Variants in PIEZO2 observed in about 807,000 individuals in gnomAD.
PIEZO2 encodes the protein piezo-type mechanosensitive ion channel component 2.
Under a neutral mutation model 337.3 loss-of-function variants are expected in PIEZO2, and 172 were observed. The observed-to-expected ratio is 0.51, with a 90% CI of 0.45 to 0.58. The LOEUF (loss-of-function observed/expected upper bound fraction) is 0.58. PIEZO2 is among the 20% of genes least tolerant of loss of function. PIEZO2 has a pLI of 0.00. For synonymous variants in PIEZO2, 1,251 were observed against 1,228.5 expected, an observed-to-expected ratio of 1.02 and a Z score of -0.38; for missense variants, 3,028 against 3,391.3, an observed-to-expected ratio of 0.89 and a Z score of 2.66.
intron 4 of PIEZO2, among the ~76,000 whole-genome samples, chr18:10,910,668 T>G (rs904662424): frequency 6.6e-6 from 1 of 152,200 alleles, no homozygotes; most frequent in South Asian, 2.1e-4. Context: ...CATTTTCTGA[T>G]GTTTTAATGA....
chr18:10,730,877 C>G (rs1482436742), intron 36 of PIEZO2, among the ~76,000 whole-genome samples: 1 of 152,132 alleles, frequency 6.6e-6, no homozygotes, highest in Non-Finnish European at 1.5e-5. Flanking sequence ...CAGGCGTCCG[C>G]TACCACGCCG....
chr18:10,810,190 G>C lies in PIEZO2; in HGVS notation c.918-2916C>G, dbSNP rs532552966. 2.6e-5 allele frequency among the ~76,000 whole-genome samples: 4 copies of C among 152,104 alleles called. No homozygotes were observed. The East Asian group carries it at 5.8e-4, about 22-fold the overall frequency. ...GGACGCAAGTATATGAAAAAGAAAGGACAGTTTTTAGAAGATTTTATGTTA... is the reference window on the plus strand; with the variant it reads ...GGACGCAAGTATATGAAAAAGAAAGCACAGTTTTTAGAAGATTTTATGTTA... On this transcript the variant is annotated intron_variant, in intron 7 of 55. Transcript: ENST00000674853.
intron 21 of PIEZO2, 85 bp downstream of exon 21, chr18:10,770,062 TA>T (rs1309361019): frequency 2.9e-6 from 4 of 1,399,674 alleles, no homozygotes; most frequent in South Asian, 1.4e-5. Context: ...CGGATCACAT[TA>T]AAAAAATCAT....
chr18:10,731,445 C>G lies in PIEZO2; in HGVS notation c.4991G>C (p.Arg1664Thr). The change falls in exon 36 of 56, where the codon AGA (arginine) becomes ACA (threonine). Residue 1664 changes from arginine (R) to threonine (T), a missense_variant. Physicochemically the swap from Arg to Thr is moderately conservative, Grantham distance 71 (BLOSUM62 -1). Around this residue, in one of 5 missense-constraint regions of PIEZO2, gnomAD observed 1,925 missense variants for 2,051.9 expected, o/e 0.94. Coordinates refer to ENST00000674853, the MANE Select transcript of PIEZO2 (RefSeq NM_001378183.1). ...QRHKEKKRSA[R>T]EERKRRRKGS... ...TTTCCGCCTTCGTTTCCGTTCTTCT[C>G]TTGCAGACCTTTTTTTCTCTTTGTG... The G allele has an allele frequency of 3.9e-6, 6 of 1,535,980 alleles. No homozygotes were observed. Among genetic ancestry groups the G allele is most frequent in the Non-Finnish European group, 5.2e-6 (6 of 1,146,392 alleles).
chr18:10,958,158 G>A (rs1269848285), intron 3 of PIEZO2, among the ~76,000 whole-genome samples: 1 of 152,136 alleles, frequency 6.6e-6, no homozygotes, highest in Non-Finnish European at 1.5e-5. Flanking sequence ...TAAATAAAAT[G>A]TGTTATAAAA....
intron 49 of PIEZO2, among the ~76,000 whole-genome samples, chr18:10,685,961 GCC>G (rs59912738): frequency 0.28 from 43,053 of 151,974 alleles, 6,637 homozygotes; most frequent in Non-Finnish European, 0.36. Flanking sequence ...GCTCACTTGT[GCC>G]TCTGACTCTA....
At chr18:11,055,848 G>A (rs184842584) in intron 2 of PIEZO2, among the ~76,000 whole-genome samples, 11 of 152,302 alleles carry the variant, frequency 7.2e-5, no homozygotes, top group Admixed American at 5.9e-4. Flanking sequence ...TCCCCGTTGT[G>A]TGCGCCCTTC....
At chr18:11,142,861 G>A (rs888122383) in intron 1 of PIEZO2, among the ~76,000 whole-genome samples, 1 of 150,920 alleles carries the variant, frequency 6.6e-6, no homozygotes, top group African/African-American at 2.4e-5. Context: ...GGGGGATCAC[G>A]AGGTCAGGAG....
rs999950378 is a variant in PIEZO2 at position 10,847,350 on chromosome 18, A to G, written c.917+8003T>C. Among the ~76,000 whole-genome samples, 3 of 152,212 alleles carry G rather than the reference A, an allele frequency of 2.0e-5. No individual in the cohort carries two copies. Among genetic ancestry groups the G allele is most frequent in the African/African-American group, 7.2e-5 (3 of 41,444 alleles). ...CCACAGAGGCATCTTCTCCATAAAA[A>G]CTGAAAGGAAGACCGTGGAGATGCC... On this transcript the variant is annotated intron_variant, in intron 7 of 55. Coordinates refer to ENST00000674853, the MANE Select transcript of PIEZO2 (RefSeq NM_001378183.1). This position sits in a 1 kb window ranked among gnomAD's most constrained non-coding sequence, Gnocchi z 5.7.
At chr18:10,845,595 G>C (rs566024663) in intron 7 of PIEZO2, among the ~76,000 whole-genome samples, 1 of 152,130 alleles carries the variant, frequency 6.6e-6, no homozygotes, top group Non-Finnish European at 1.5e-5. Context: ...TAGCCCTCGG[G>C]CACACTGTCT....
chr18:10,892,008 GGATT>G (rs1402853241), intron 4 of PIEZO2, among the ~76,000 whole-genome samples: 11 of 152,176 alleles, frequency 7.2e-5, no homozygotes, highest in Non-Finnish European at 1.5e-5. Flanking sequence ...GGGTAATGCA[GGATT>G]GATAGGCAGT....
intron 3 of PIEZO2, among the ~76,000 whole-genome samples, chr18:10,919,332 G>T (rs9964303): frequency 0.29 from 44,743 of 151,982 alleles, 6,797 homozygotes; most frequent in Middle Eastern, 0.33. Flanking sequence ...TAGAACTGAT[G>T]AATGTTTATC....
At chr18:10,867,632 G>A (rs1323607052) in intron 5 of PIEZO2, among the ~76,000 whole-genome samples, 1 of 152,004 alleles carries the variant, frequency 6.6e-6, no homozygotes, top group Non-Finnish European at 1.5e-5. Context: ...TCAGAATTTG[G>A]CTTAATAATA....
intron 1 of PIEZO2, among the ~76,000 whole-genome samples, chr18:11,144,803 C>T: frequency 6.6e-6 from 1 of 152,124 alleles, no homozygotes; most frequent in East Asian, 1.9e-4. Flanking sequence ...ATCTCTAATC[C>T]CCTGTTCCCC....
chr18:10,756,378 A>G (rs1482548826), intron 27 of PIEZO2, among the ~76,000 whole-genome samples: 2 of 150,246 alleles, frequency 1.3e-5, no homozygotes, highest in Non-Finnish European at 3.0e-5. Context: ...GGGGATGTAG[A>G]TAAAGGATGA....
intron 2 of PIEZO2, among the ~76,000 whole-genome samples, chr18:11,049,066 A>C (rs561499106): frequency 2.1e-4 from 32 of 152,332 alleles, no homozygotes; most frequent in African/African-American, 7.7e-4. Flanking sequence ...ATTGACTCAA[A>C]AAATACATAA....
chr18:10,720,415 GTATGTATATATATA>G lies in PIEZO2; in HGVS notation c.5030-2170_5030-2157del, dbSNP rs1248037485. 4.4e-3 allele frequency among the ~76,000 whole-genome samples: 175 copies of G among 39,914 alleles called. 11 individuals are homozygous for G. The highest frequency in any genetic ancestry group is 6.5e-3 in the Non-Finnish European group (110 of 16,976). 26.2% of individuals were successfully genotyped at this position (39,914 alleles called of 152,430 possible). On this transcript the variant is annotated intron_variant, in intron 36 of 55. Transcript: ENST00000674853. ...TGTGTGTGTGTGTGTATGTGTATGT[GTATGTATATATATA>G]TATATATATATATATATATATATAT...
chr18:11,148,072 G>A lies in PIEZO2; in HGVS notation c.64+453C>T, dbSNP rs919481970. 6.6e-6 allele frequency among the ~76,000 whole-genome samples: 1 copy of A among 151,996 alleles called. No individual in the cohort carries two copies. The highest frequency in any genetic ancestry group is 2.4e-5 in the African/African-American group (1 of 41,362). On this transcript the variant is annotated intron_variant, in intron 1 of 55. Transcript: ENST00000674853. The surrounding 1 kb of genome is among the most constrained non-coding windows in gnomAD (Gnocchi z 5.2). ...CGGAGTCCTTCACTTCTTCCTTCAC[G>A]GTTGCTGGGATTTGGGGTCTGGGAG...
At chr18:10,886,382 A>G (rs74203148) in intron 4 of PIEZO2, among the ~76,000 whole-genome samples, 456 of 2,452 alleles carry the variant, frequency 0.19, 94 homozygotes, top group South Asian at 0.46. Flanking sequence ...GTGTGTGTGT[A>G]TATATATATA....
Sources: allele counts gnomAD v4.1 joint callset (sites outside exome capture counted in the v4.1 genomes callset), GRCh38; gene constraint gnomAD v4.1.1; regional missense constraint gnomAD v4.1.1; non-coding constraint Gnocchi (gnomAD v3.1); transcripts MANE v1.5; gene names NCBI Gene and HGNC (gene_info 2026-07-23, HGNC 2026-07-21).